Variants in SMYD3 observed in about 807,000 individuals in gnomAD.
SMYD3 encodes the protein SET and MYND domain containing 3, also known as histone-lysine N-methyltransferase SMYD3.
Under a neutral mutation model 57.7 loss-of-function variants are expected in SMYD3, and 36 were observed. That is an observed-to-expected ratio of 0.62 (90% confidence interval 0.48 to 0.82). The LOEUF is 0.82. SMYD3 is among the 40% of genes least tolerant of loss of function. The probability of loss-of-function intolerance (pLI) is 0.00; values close to 1 mark genes in which losing one functional copy is unlikely to be tolerated. For missense variants in SMYD3, 515 were observed against 538.8 expected, an observed-to-expected ratio of 0.96 and a Z score of 0.44; for synonymous variants, 211 against 195.0, an observed-to-expected ratio of 1.08 and a Z score of -0.68.
At chr1:246,104,616 C>T (rs114903324) in intron 5 of SMYD3, among the ~76,000 whole-genome samples, 2,470 of 152,026 alleles carry the variant, frequency 0.016, 71 homozygotes, top group African/African-American at 0.057. Context: ...GGACGATATT[C>T]GTCTGGGACA....
At chr1:245,900,166 G>A (rs183150034) in intron 8 of SMYD3, among the ~76,000 whole-genome samples, 180 of 152,094 alleles carry the variant, frequency 1.2e-3, no homozygotes, top group Non-Finnish European at 1.2e-3. Flanking sequence ...AAAGAAAATG[G>A]TCTCAGTGGG....
intron 1 of SMYD3, among the ~76,000 whole-genome samples, chr1:246,420,514 GA>G: frequency 6.6e-6 from 1 of 152,262 alleles, no homozygotes; most frequent in Non-Finnish European, 1.5e-5. Flanking sequence ...TAACAGTTTG[GA>G]GAGAATATGT....
chr1:246,299,646 T>A (rs2064857753), intron 5 of SMYD3, among the ~76,000 whole-genome samples: 1 of 152,110 alleles, frequency 6.6e-6, no homozygotes, highest in South Asian at 2.1e-4. Flanking sequence ...CACTGGGGAA[T>A]ACTAAGCAGC....
At chr1:246,485,370 G>A (rs979740357) in intron 1 of SMYD3, among the ~76,000 whole-genome samples, 1 of 152,194 alleles carries the variant, frequency 6.6e-6, no homozygotes, top group Admixed American at 6.5e-5. Flanking sequence ...AATCCTGTCT[G>A]TACATTTTTC....
chr1:246,027,081 C>G (rs2148248493), intron 5 of SMYD3, among the ~76,000 whole-genome samples: 1 of 152,298 alleles, frequency 6.6e-6, no homozygotes, highest in East Asian at 1.9e-4. Flanking sequence ...CCACAATATT[C>G]CCTTAAGCCA....
chr1:246,128,364 T>G (rs921973372), intron 5 of SMYD3, among the ~76,000 whole-genome samples: 28 of 152,238 alleles, frequency 1.8e-4, no homozygotes, highest in South Asian at 4.1e-4. Flanking sequence ...GGGGAGGAAC[T>G]GTTCACTATA....
intron 5 of SMYD3, among the ~76,000 whole-genome samples, chr1:246,153,624 C>CTT: frequency 6.6e-6 from 1 of 152,110 alleles, no homozygotes; most frequent in South Asian, 2.1e-4. Flanking sequence ...TGGCTAATTA[C>CTT]TTTTTTGTTT....
intron 5 of SMYD3, among the ~76,000 whole-genome samples, chr1:245,955,285 C>T (rs752110443): frequency 6.3e-4 from 96 of 152,228 alleles, no homozygotes; most frequent in Non-Finnish European, 1.2e-3. Flanking sequence ...TTAGTAGAGA[C>T]GGGGTTTCAC....
At chr1:246,009,364 G>C (rs1268693319) in intron 5 of SMYD3, among the ~76,000 whole-genome samples, 1 of 152,182 alleles carries the variant, frequency 6.6e-6, no homozygotes, top group African/African-American at 2.4e-5. Flanking sequence ...TATCTACAGT[G>C]TCCCTTCTGT....
chr1:246,076,910 C>T (rs1460649658), intron 5 of SMYD3, among the ~76,000 whole-genome samples: 2 of 152,032 alleles, frequency 1.3e-5, no homozygotes, highest in African/African-American at 2.4e-5. Flanking sequence ...GATATATATA[C>T]ATAATAGATA....
intron 5 of SMYD3, among the ~76,000 whole-genome samples, chr1:246,181,154 G>C (rs894588443): frequency 1.3e-5 from 2 of 152,192 alleles, no homozygotes; most frequent in Admixed American, 1.3e-4. Flanking sequence ...ATTCCACTGA[G>C]AGAAATGGCC....
At chr1:246,482,163 C>A (rs6682826) in intron 1 of SMYD3, among the ~76,000 whole-genome samples, 53,216 of 150,984 alleles carry the variant, frequency 0.35, 10,104 homozygotes, top group African/African-American at 0.51. Context: ...GTCTCAGAAG[C>A]AAAAAAAAAT....
intron 1 of SMYD3, among the ~76,000 whole-genome samples, chr1:246,463,999 C>T (rs1438991329): frequency 6.6e-6 from 1 of 152,098 alleles, no homozygotes; most frequent in Non-Finnish European, 1.5e-5. Flanking sequence ...AAAATCTACA[C>T]TTTAGATGCC....
chr1:246,325,607 T>A (rs2065337519), intron 5 of SMYD3, among the ~76,000 whole-genome samples: 3 of 152,116 alleles, frequency 2.0e-5, no homozygotes, highest in Admixed American at 1.3e-4. Context: ...ATGGAGATAA[T>A]TTCATTATAA....
intron 5 of SMYD3, among the ~76,000 whole-genome samples, chr1:246,009,909 A>G (rs1382690938): frequency 6.3e-5 from 4 of 63,626 alleles, no homozygotes; most frequent in African/African-American, 2.4e-4. Flanking sequence ...TCGTGTCGTG[A>G]GATCAAGCAA....
intron 5 of SMYD3, among the ~76,000 whole-genome samples, chr1:246,101,253 T>A (rs1230801935): frequency 1.3e-5 from 2 of 152,152 alleles, no homozygotes; most frequent in Non-Finnish European, 2.9e-5. Flanking sequence ...TGACCCTTTA[T>A]TTTCCTAGGG....
intron 8 of SMYD3, among the ~76,000 whole-genome samples, chr1:245,913,516 A>G (rs2055173372): frequency 6.6e-6 from 1 of 151,630 alleles, no homozygotes; most frequent in Non-Finnish European, 1.5e-5. Flanking sequence ...TATAATTTAA[A>G]AAAAAAAAAA....
chr1:245,998,646 T>C (rs2058977441), intron 5 of SMYD3, among the ~76,000 whole-genome samples: 1 of 152,098 alleles, frequency 6.6e-6, no homozygotes, highest in Non-Finnish European at 1.5e-5. Context: ...GATCTAGCAA[T>C]TCTGCTTCTC....
At chr1:246,323,574 G>T (rs993986682) in intron 5 of SMYD3, among the ~76,000 whole-genome samples, 1 of 152,118 alleles carries the variant, frequency 6.6e-6, no homozygotes, top group African/African-American at 2.4e-5. Flanking sequence ...ATATGCTCTC[G>T]GGATTAAGAA....
Sources: allele counts gnomAD v4.1 joint callset (sites outside exome capture counted in the v4.1 genomes callset), GRCh38; gene constraint gnomAD v4.1.1; transcripts MANE v1.5; gene names NCBI Gene and HGNC (gene_info 2026-07-23, HGNC 2026-07-21).